HMGCS2: variants seen among roughly 807,000 people sequenced by gnomAD.
HMGCS2 encodes 3-hydroxy-3-methylglutaryl-CoA synthase 2.
Under a neutral mutation model 57.4 loss-of-function variants are expected in HMGCS2, and 50 were observed. The observed-to-expected ratio is 0.87, with a 90% CI of 0.69 to 1.10. The LOEUF (loss-of-function observed/expected upper bound fraction) is 1.10. Ranked by LOEUF, HMGCS2 falls within the 50% of genes least tolerant of loss-of-function variation. The probability of loss-of-function intolerance (pLI) is 0.00; values close to 1 mark genes in which losing one functional copy is unlikely to be tolerated. For synonymous variants in HMGCS2, 254 were observed against 245.1 expected, an observed-to-expected ratio of 1.04 and a Z score of -0.34; for missense variants, 627 against 636.5, an observed-to-expected ratio of 0.99 and a Z score of 0.16.
At position 119,764,211 on chromosome 1, in the gene HMGCS2, A is replaced by G. The variant is rs137852636; in HGVS notation, c.520T>C (p.Phe174Leu). The part of the protein sequence containing the change: ...NACYGGTASL[F>L]NAANWMESSS... ...GACTCCATCCAGTTGGCAGCATTGA[A>G]GAGGGAGGCAGTACCACCGTAGCAG... The change falls in exon 2 of 10, where the codon TTC becomes CTC. Residue 174 changes from phenylalanine to leucine, a missense_variant. Transcript: ENST00000369406. The G allele has an allele frequency of 8.7e-6, 14 of 1,613,688 alleles. No individual in the cohort carries two copies. The East Asian group carries it at 3.1e-4, about 36-fold the overall frequency.
chr1:119,768,022 AT>A (rs1236602327), intron 1 of HMGCS2, among the ~76,000 whole-genome samples: 7 of 152,236 alleles, frequency 4.6e-5, no homozygotes. Context: ...TTTAGTAGTC[AT>A]AGAATATAGA....
chr1:119,753,877 G>A (rs969649698), intron 6 of HMGCS2, among the ~76,000 whole-genome samples: 7 of 148,360 alleles, frequency 4.7e-5, no homozygotes, highest in African/African-American at 7.4e-5. Flanking sequence ...TTTCCTGCCC[G>A]TTTTTTTTTT....
At chr1:119,756,583 A>G (rs1043213090) in intron 5 of HMGCS2, among the ~76,000 whole-genome samples, 1 of 152,230 alleles carries the variant, frequency 6.6e-6, no homozygotes, top group African/African-American at 2.4e-5. Flanking sequence ...GAAGAAAGGG[A>G]AAGATTCCTT....
At chr1:119,749,731 G>A (rs587723883) in intron 9 of HMGCS2, among the ~76,000 whole-genome samples, 1 of 152,146 alleles carries the variant, frequency 6.6e-6, no homozygotes, top group South Asian at 2.1e-4. Context: ...GTGCATCTCT[G>A]CCACCCACTG....
At position 119,768,789 on chromosome 1, in the gene HMGCS2, T is replaced by C. The variant is rs2101283600; in HGVS notation, c.56A>G (p.Gln19Arg). ...GCGAGCAGGTGTGAGGGAGGTTTCC[T>C]GCACCGCTCTTGTCAGTTGCAGAAT... The part of the protein sequence containing the change: ...KRILQLTRAV[Q>R]ETSLTPARLL... The change falls in exon 1 of 10, where the codon CAG becomes CGG. Residue 19 changes from glutamine (Q) to arginine (R), a missense_variant. Coordinates refer to ENST00000369406, the MANE Select transcript of HMGCS2 (RefSeq NM_005518.4). 6.2e-7 allele frequency: 1 copy of C among 1,614,160 alleles called. No individual in the cohort carries two copies. Among genetic ancestry groups the C allele is most frequent in the Non-Finnish European group, 8.5e-7 (1 of 1,180,012 alleles).
At position 119,750,797 on chromosome 1, in the gene HMGCS2, C is replaced by CA; in HGVS notation, c.*4dup. The CA allele has an allele frequency of 6.2e-7, 1 of 1,606,858 alleles. No homozygotes were observed. ...ACCAACTCTGCAAACTCTCACTCAC[C>CA]ACCTTTAGACGGGACGCCGGGCATA... is the stretch of plus-strand genomic sequence containing the variant. On this transcript the variant is annotated splice_region_variant and 3_prime_UTR_variant, in exon 9 of 10. Coordinates refer to ENST00000369406, the MANE Select transcript of HMGCS2 (RefSeq NM_005518.4).
Position 119,759,913 on chromosome 1 carries a change from T to C in HMGCS2, c.636A>G (p.Gly212=), listed in dbSNP as rs1652980488. Residue 212 remains glycine, a synonymous_variant, in exon 3 of 10, where the codon GGA becomes GGG. Transcript: ENST00000369406. ...TGGGCCCAATCAGCATAGCCACAGC[T>C]CCGGCCCCACCTGTGGGACGAGCAT... ...SGNARPTGGA[G]AVAMLIGPKA... The C allele has an allele frequency of 6.2e-6, 10 of 1,614,154 alleles. No homozygotes were observed. Among genetic ancestry groups the C allele is most frequent in the Non-Finnish European group, 8.5e-6 (10 of 1,180,016 alleles).
chr1:119,755,147 G>A (rs907592047), intron 6 of HMGCS2, among the ~76,000 whole-genome samples: 2 of 152,136 alleles, frequency 1.3e-5, no homozygotes, highest in African/African-American at 4.8e-5. Context: ...CTCCCGAGCA[G>A]CTGGGACCAC....
At chr1:119,756,707 C>T (rs1652851318) in intron 5 of HMGCS2, among the ~76,000 whole-genome samples, 1 of 152,196 alleles carries the variant, frequency 6.6e-6, no homozygotes, top group African/African-American at 2.4e-5. Flanking sequence ...TGAGCTGGAA[C>T]ATCCCCATTT....
chr1:119,760,092 A>T (rs1472548606), intron 2 of HMGCS2, 103 bp from the exon 3 acceptor site: 10 of 1,047,646 alleles, frequency 9.5e-6, no homozygotes, highest in Non-Finnish European at 1.4e-5. Context: ...ATATAGAGTG[A>T]TAAACAAAAT....
At chr1:119,751,365 CTTT>C (rs747069438) in intron 8 of HMGCS2, among the ~76,000 whole-genome samples, 2 of 140,046 alleles carry the variant, frequency 1.4e-5, no homozygotes, top group Non-Finnish European at 1.6e-5. Context: ...TTCTTTTCTT[CTTT>C]TTTTTTTTTT....
Position 119,753,356 on chromosome 1 carries a change from C to T in HMGCS2, c.1218G>A (p.Arg406=), listed in dbSNP as rs1413334730. 3 of 1,613,026 alleles carry T rather than the reference C, an allele frequency of 1.9e-6. No individual in the cohort carries two copies. ...CAGAGCCATAAGAGAAGGCACCAATCCTGGAGCCAGCCAGTTCTTGGGCAG... is the reference window on the plus strand; with the variant it reads ...CAGAGCCATAAGAGAAGGCACCAATTCTGGAGCCAGCCAGTTCTTGGGCAG... ...HHSAQELAGS[R]IGAFSYGSGL... is the part of the protein sequence containing the mutation. The change falls in exon 7 of 10, where the codon AGG becomes AGA. Residue 406 remains arginine (R), a synonymous_variant. Transcript: ENST00000369406.
Position 119,757,431 on chromosome 1 carries a change from G to A in HMGCS2, c.858C>T (p.Ser286=), listed in dbSNP as rs1992376. ...KIQNQWKQAG[S]DRPFTLDDLQ... ...AATCGTCAAGGGTGAAGGGTCGATC[G>A]CTGCCAGCTGGAAGAGGAAGCGTGA... The change falls in exon 5 of 10, where the codon AGC becomes AGT. Residue 286 remains serine, a synonymous_variant. Transcript: ENST00000369406. 7.9e-3 allele frequency: 12,709 copies of A among 1,613,814 alleles called. 64 individuals carry two copies. The highest frequency in any genetic ancestry group is 9.6e-3 in the Non-Finnish European group (11,366 of 1,179,720).
At chr1:119,751,821 T>G in intron 8 of HMGCS2, among the ~76,000 whole-genome samples, 1 of 152,226 alleles carries the variant, frequency 6.6e-6, no homozygotes, top group Non-Finnish European at 1.5e-5. Flanking sequence ...ATATTCTGTC[T>G]CCTTTTGAGA....
At chr1:119,759,068 C>T (rs1397554101) in intron 4 of HMGCS2, 50 bp downstream of exon 4, 9 of 1,584,842 alleles carry the variant, frequency 5.7e-6, no homozygotes, top group Admixed American at 3.3e-5. Flanking sequence ...GGTACAAACC[C>T]TTGGCCTATG....
Position 119,759,134 on chromosome 1 carries a change from C to T in HMGCS2, c.834G>A (p.Gln278=), listed in dbSNP as rs772186726. The change falls in exon 4 of 10, where the codon CAG becomes CAA. Residue 278 remains glutamine (Q), a synonymous_variant. Transcript: ENST00000369406. ...RCYTSYRKKI[Q]NQWKQAGSDR... Reference sequence around the variant, plus strand: ...ATCTCATACCTTGCTTCCACTGATTCTGGATTTTTTTACGGTATGATGTGT... The same window carrying T: ...ATCTCATACCTTGCTTCCACTGATTTTGGATTTTTTTACGGTATGATGTGT... 4 of 1,614,192 alleles carry T rather than the reference C, an allele frequency of 2.5e-6. No individual in the cohort carries two copies. The highest frequency in any genetic ancestry group is 3.4e-6 in the Non-Finnish European group (4 of 1,180,024).
chr1:119,766,374 G>C (rs1442456435), intron 1 of HMGCS2, among the ~76,000 whole-genome samples: 2 of 152,124 alleles, frequency 1.3e-5, no homozygotes, highest in Non-Finnish European at 2.9e-5. Context: ...CATTCTACGG[G>C]AGCTGGAACT....
Position 119,757,396 on chromosome 1 carries a change from A to G in HMGCS2, c.893T>C (p.Met298Thr). ...RPFTLDDLQY[M>T]IFHTPFCKMV... ...CTTGCAAAAGGGTGTATGAAAGATCATGTACTGTAAATCGTCAAGGGTGAA... is the reference window on the plus strand; with the variant it reads ...CTTGCAAAAGGGTGTATGAAAGATCGTGTACTGTAAATCGTCAAGGGTGAA... The change falls in exon 5 of 10, where the codon ATG (methionine) becomes ACG (threonine). Residue 298 changes from methionine to threonine, a missense_variant. Physicochemically the swap from Met to Thr is moderately conservative, Grantham distance 81. Transcript: ENST00000369406. 6.2e-7 allele frequency: 1 copy of G among 1,614,054 alleles called. No individual in the cohort carries two copies. Among genetic ancestry groups the G allele is most frequent in the Non-Finnish European group, 8.5e-7 (1 of 1,179,914 alleles).
chr1:119,766,784 A>C (rs894371266), intron 1 of HMGCS2, among the ~76,000 whole-genome samples: 1 of 151,838 alleles, frequency 6.6e-6, no homozygotes, highest in African/African-American at 2.4e-5. Context: ...TTGCAAGAAG[A>C]AGCTTAGAAT....
Sources: allele counts gnomAD v4.1 joint callset (sites outside exome capture counted in the v4.1 genomes callset), GRCh38; gene constraint gnomAD v4.1.1; transcripts MANE v1.5; gene names NCBI Gene and HGNC (gene_info 2026-07-23, HGNC 2026-07-21).